Variants in PDE1A observed in about 807,000 individuals in gnomAD.
PDE1A encodes dual specificity calcium/calmodulin-dependent 3',5'-cyclic nucleotide phosphodiesterase 1A.
In PDE1A, 35 loss-of-function variants were observed where a neutral mutation model predicts 61.7. The observed-to-expected ratio is 0.57, with a 90% CI of 0.43 to 0.75. The LOEUF is 0.75. PDE1A is among the 30% of genes least tolerant of loss of function. The pLI, the probability that PDE1A is intolerant of heterozygous loss-of-function variation, is 0.00. For missense variants in PDE1A, 597 were observed against 630.6 expected (o/e 0.95, Z 0.57); for synonymous variants, 232 against 213.2 (o/e 1.09, Z -0.77).
chr2:182,557,558 A>G, the PDE1A span, among the ~76,000 whole-genome samples: 2 of 152,078 alleles, frequency 1.3e-5, no homozygotes, highest in Admixed American at 1.3e-4. Context: ...CAAAAAATAC[A>G]AAACTAAGCC....
chr2:182,183,394 T>A (rs1335483224), intron 13 of PDE1A, among the ~76,000 whole-genome samples: 1 of 152,306 alleles, frequency 6.6e-6, no homozygotes, highest in Non-Finnish European at 1.5e-5. Context: ...TTGCCTGAAG[T>A]TACTCCCACT....
At chr2:182,701,194 C>G in the PDE1A span, among the ~76,000 whole-genome samples, 1 of 75,772 alleles carries the variant, frequency 1.3e-5, no homozygotes, top group Non-Finnish European at 2.6e-5. Context: ...GCCACCACGC[C>G]CGGCTAATTT....
chr2:182,182,153 C>G (rs1260294473), intron 13 of PDE1A, among the ~76,000 whole-genome samples: 1 of 152,148 alleles, frequency 6.6e-6, no homozygotes, highest in Non-Finnish European at 1.5e-5. Flanking sequence ...GCACATGCAT[C>G]TTTAAATTTC....
chr2:182,166,270 A>G (rs1196989958), downstream of PDE1A, among the ~76,000 whole-genome samples: 1 of 152,140 alleles, frequency 6.6e-6, no homozygotes, highest in African/African-American at 2.4e-5. Context: ...AGAGAGAAAA[A>G]GACCTACCCT....
downstream of PDE1A, among the ~76,000 whole-genome samples, chr2:182,145,197 G>C (rs1222502524): frequency 1.3e-5 from 2 of 152,072 alleles, no homozygotes; most frequent in Admixed American, 1.3e-4. Context: ...TATACTGTAG[G>C]ACTGTATCAA....
Position 182,186,896 on chromosome 2 carries a change from G to A in PDE1A, c.1208-308C>T, listed in dbSNP as rs547748883. ...TATACGATTGCTAACAATACATTTA[G>A]ATCCAATGAGAGTGACTATAGTTTC... is the stretch of plus-strand genomic sequence containing the variant. On this transcript the variant is annotated intron_variant, in intron 11 of 13. Coordinates refer to ENST00000351439, the Ensembl canonical transcript of PDE1A. 3.5e-3 allele frequency among the ~76,000 whole-genome samples: 527 copies of A among 152,266 alleles called. 3 individuals carry two copies. The highest frequency in any genetic ancestry group is 0.012 in the African/African-American group (512 of 41,554).
At chr2:182,476,164 G>C (rs925410575) in intron 2 of PDE1A, among the ~76,000 whole-genome samples, 2 of 151,820 alleles carry the variant, frequency 1.3e-5, no homozygotes, top group Admixed American at 1.3e-4. Flanking sequence ...TGTATCCACA[G>C]GTTGGTTAAC....
intron 1 of PDE1A, among the ~76,000 whole-genome samples, chr2:182,378,756 ATTG>A (rs1700562577): frequency 6.6e-6 from 1 of 152,182 alleles, no homozygotes; most frequent in African/African-American, 2.4e-5. Context: ...TATGCACTGT[ATTG>A]TTCAACAGCT....
the PDE1A span, among the ~76,000 whole-genome samples, chr2:182,615,696 C>G: frequency 6.6e-6 from 1 of 152,046 alleles, no homozygotes; most frequent in Non-Finnish European, 1.5e-5. Context: ...ATCAAGGGTC[C>G]CACACCTGAT....
chr2:182,497,068 T>A (rs1302005805), intron 2 of PDE1A, among the ~76,000 whole-genome samples: 2 of 152,214 alleles, frequency 1.3e-5, no homozygotes, highest in African/African-American at 4.8e-5. Context: ...AAAAAAAATT[T>A]TAATTTATTT....
chr2:182,341,485 G>A (rs750438777), intron 1 of PDE1A, among the ~76,000 whole-genome samples: 16 of 152,102 alleles, frequency 1.1e-4, no homozygotes, highest in Non-Finnish European at 1.9e-4. Flanking sequence ...ACACTCATAT[G>A]GGAACTCCAA....
At chr2:182,387,757 TA>T (rs767345729) in intron 1 of PDE1A, among the ~76,000 whole-genome samples, 172 of 134,992 alleles carry the variant, frequency 1.3e-3, no homozygotes, top group Middle Eastern at 7.8e-3. Context: ...AACTCCATCT[TA>T]AAAAAAAAAA....
chr2:182,606,085 G>A, the PDE1A span, among the ~76,000 whole-genome samples: 1 of 152,098 alleles, frequency 6.6e-6, no homozygotes, highest in Non-Finnish European at 1.5e-5. Flanking sequence ...CAATGACTGT[G>A]GAAGATAGGT....
the PDE1A span, among the ~76,000 whole-genome samples, chr2:182,601,877 G>A: frequency 6.6e-6 from 1 of 152,164 alleles, no homozygotes; most frequent in Non-Finnish European, 1.5e-5. Context: ...CCCCAGAGGG[G>A]ATGAAGTCAC....
At chr2:182,349,008 T>C (rs1026350606) in intron 1 of PDE1A, among the ~76,000 whole-genome samples, 2 of 152,162 alleles carry the variant, frequency 1.3e-5, no homozygotes, top group African/African-American at 4.8e-5. Context: ...GTTATATTAA[T>C]AGGCATCTCC....
chr2:182,444,944 G>C (rs1263435715), intron 2 of PDE1A, among the ~76,000 whole-genome samples: 1 of 152,052 alleles, frequency 6.6e-6, no homozygotes, highest in Admixed American at 6.6e-5. Context: ...ACAGTCCTGA[G>C]ATACACAAGT....
chr2:182,398,959 A>C (rs988149762), intron 1 of PDE1A, among the ~76,000 whole-genome samples: 2 of 152,068 alleles, frequency 1.3e-5, no homozygotes, highest in Non-Finnish European at 2.9e-5. Flanking sequence ...AAATTCCCCT[A>C]AACTTCAGTT....
chr2:182,550,157 AT>A, the PDE1A span, among the ~76,000 whole-genome samples: 2 of 152,332 alleles, frequency 1.3e-5, no homozygotes, highest in African/African-American at 4.8e-5. Flanking sequence ...CTACTAGAGA[AT>A]TCTTCCTATA....
At chr2:182,177,395 T>A (rs1286039410) in intron 13 of PDE1A, among the ~76,000 whole-genome samples, 1 of 152,002 alleles carries the variant, frequency 6.6e-6, no homozygotes, top group Non-Finnish European at 1.5e-5. Context: ...AGATTCAACT[T>A]CTTCCTGGTT....
Sources: gnomAD v4.1 joint callset for allele counts (sites outside exome capture counted in the v4.1 genomes callset) on GRCh38, gnomAD v4.1.1 for gene constraint, MANE v1.5 for transcripts, NCBI Gene and HGNC (gene_info 2026-07-23, HGNC 2026-07-21) for gene names.